Variants in THSD4 observed in about 807,000 individuals in gnomAD.
The protein encoded by THSD4 is thrombospondin type-1 domain-containing protein 4.
THSD4 carries 69 observed loss-of-function variants against 119.0 expected under a neutral mutation model. The ratio of observed to expected loss-of-function variants is 0.58; its 90% CI spans 0.48 to 0.71. THSD4 has a LOEUF of 0.71. Among genes scored for constraint, THSD4 ranks in the 30% least tolerant of loss-of-function variants. The probability of loss-of-function intolerance (pLI) is 0.00; values close to 1 mark genes in which losing one functional copy is unlikely to be tolerated. For synonymous variants in THSD4, 524 were observed against 540.4 expected, an observed-to-expected ratio of 0.97 and a Z score of 0.42; for missense variants, 1,393 against 1,391.1, an observed-to-expected ratio of 1.00 and a Z score of -0.02.
chr15:71,193,060 C>G (rs1301757006), intron 3 of THSD4, among the ~76,000 whole-genome samples: 2 of 152,180 alleles, frequency 1.3e-5, no homozygotes, highest in East Asian at 3.9e-4. Flanking sequence ...GCTGACTGCA[C>G]AGGAATACGA....
intron 3 of THSD4, among the ~76,000 whole-genome samples, chr15:71,180,166 A>G (rs1467609870): frequency 3.8e-5 from 1 of 26,612 alleles, no homozygotes; most frequent in Non-Finnish European, 6.1e-4. Flanking sequence ...TAAAAAAAAA[A>G]AAAATAAAAA....
At chr15:71,440,899 A>G (rs1478424313) in intron 7 of THSD4, among the ~76,000 whole-genome samples, 1 of 152,186 alleles carries the variant, frequency 6.6e-6, no homozygotes, top group South Asian at 2.1e-4. Flanking sequence ...GCAATTATGT[A>G]TGGACATGCA....
At chr15:71,657,843 T>A (rs777622074) in intron 7 of THSD4, among the ~76,000 whole-genome samples, 27 of 152,336 alleles carry the variant, frequency 1.8e-4, no homozygotes, top group Non-Finnish European at 3.5e-4. Flanking sequence ...TCCATCAAAC[T>A]GTGCAGAGCA....
chr15:71,442,660 G>GTGTGTGTATGTATGTGTATATATATATA, intron 7 of THSD4, among the ~76,000 whole-genome samples: 2 of 25,826 alleles, frequency 7.7e-5, no homozygotes, highest in Non-Finnish European at 9.2e-5. Flanking sequence ...GTGTGTGTGT[G>GTGTGTGTATGTATGTGTATATATATATA]TATATATATA....
chr15:71,370,024 C>A (rs565928674), intron 6 of THSD4, among the ~76,000 whole-genome samples: 3 of 151,666 alleles, frequency 2.0e-5, no homozygotes, highest in South Asian at 2.1e-4. Context: ...GTGTATGTGT[C>A]GAGGAATTTA....
chr15:71,326,635 C>T lies in THSD4; in HGVS notation c.1015+69920C>T, dbSNP rs1341257711. ...GTTGCAGTGAGCCGAGATCACGCCA[C>T]TGCACTCCAGCCTGGGCAACAGAGC... is the stretch of plus-strand genomic sequence containing the variant. On this transcript the variant is annotated intron_variant, in intron 6 of 17. Coordinates refer to ENST00000261862, the MANE Select transcript of THSD4 (RefSeq NM_024817.3). Among the ~76,000 whole-genome samples, 71 of 125,992 alleles carry T rather than the reference C, an allele frequency of 5.6e-4. No individual in the cohort carries two copies. The Middle Eastern group carries it at 0.014, about 24-fold the overall frequency. The allele number at this position is 125,992 out of a possible 152,430, so 82.7% of individuals were successfully genotyped here.
At chr15:71,451,397 T>A (rs935486202) in intron 7 of THSD4, among the ~76,000 whole-genome samples, 1 of 152,222 alleles carries the variant, frequency 6.6e-6, no homozygotes, top group African/African-American at 2.4e-5. Context: ...TCTTCCCATG[T>A]TGAGAAGATT....
In THSD4 at chr15:71,596,368, T is replaced by A. The variant is rs139095906; in HGVS notation, c.1153-64162T>A. Among the ~76,000 whole-genome samples, 434 of 152,094 alleles carry A rather than the reference T, an allele frequency of 2.9e-3. 1 individual carries two copies. The highest frequency in any genetic ancestry group is 5.0e-3 in the Non-Finnish European group (338 of 67,970). On this transcript the variant is annotated intron_variant, in intron 7 of 17. Transcript: ENST00000261862. The stretch of plus-strand genomic sequence containing the variant: ...AACACAAGATAATTATCCAAAGGCC[T>A]TTTTTTTATGAAAGTCTTCCACCAC...
At chr15:71,501,394 C>T (rs2048110450) in intron 7 of THSD4, among the ~76,000 whole-genome samples, 1 of 152,330 alleles carries the variant, frequency 6.6e-6, no homozygotes, top group Admixed American at 6.5e-5. Flanking sequence ...TCAACTAGTA[C>T]ATGGCAGAAG....
At chr15:71,490,661 G>A (rs192203679) in intron 7 of THSD4, among the ~76,000 whole-genome samples, 7 of 149,444 alleles carry the variant, frequency 4.7e-5, no homozygotes, top group South Asian at 2.1e-4. Flanking sequence ...CCCAGGAGGC[G>A]GATGTTGCAG....
At chr15:71,729,178 C>T (rs572318399) in intron 9 of THSD4, 1 of 165,698 alleles carries the variant, frequency 6.0e-6, no homozygotes, top group Admixed American at 5.6e-5. Context: ...GAAAGGAGAG[C>T]TCCAGAGCCC....
At chr15:71,245,850 G>A (rs1434195042) in intron 5 of THSD4, among the ~76,000 whole-genome samples, 3 of 152,168 alleles carry the variant, frequency 2.0e-5, no homozygotes, top group African/African-American at 7.2e-5. Context: ...CAAGTTCCCA[G>A]ATGCCAGCCA....
At chr15:71,696,642 A>G (rs192265790) in intron 8 of THSD4, among the ~76,000 whole-genome samples, 66 of 152,338 alleles carry the variant, frequency 4.3e-4, no homozygotes, top group Admixed American at 1.8e-3. Flanking sequence ...CCCAAATGAT[A>G]TAGATCAAAA....
At chr15:71,399,929 A>G (rs1193191161) in intron 6 of THSD4, among the ~76,000 whole-genome samples, 1 of 152,242 alleles carries the variant, frequency 6.6e-6, no homozygotes, top group African/African-American at 2.4e-5. Context: ...TAAGAAGACT[A>G]TTGATAGAAA....
chr15:71,601,107 A>G (rs948695272), intron 7 of THSD4, among the ~76,000 whole-genome samples: 1 of 152,174 alleles, frequency 6.6e-6, no homozygotes, highest in East Asian at 1.9e-4. Flanking sequence ...AACTTGCCCA[A>G]CAACCAGTGA....
At chr15:71,211,433 G>C (rs776824892) in intron 3 of THSD4, among the ~76,000 whole-genome samples, 5 of 152,102 alleles carry the variant, frequency 3.3e-5, no homozygotes, top group Non-Finnish European at 7.3e-5. Context: ...CATATGGTGG[G>C]GTGGGGAGTG....
intron 7 of THSD4, among the ~76,000 whole-genome samples, chr15:71,427,788 C>T (rs899585273): frequency 4.0e-5 from 6 of 151,758 alleles, no homozygotes; most frequent in Admixed American, 2.0e-4. Context: ...TAAGTCATTC[C>T]CCAGGCCCAA....
At chr15:71,607,444 C>G (rs1226453025) in intron 7 of THSD4, among the ~76,000 whole-genome samples, 1 of 152,212 alleles carries the variant, frequency 6.6e-6, no homozygotes, top group Non-Finnish European at 1.5e-5. Context: ...AAGTATCATG[C>G]CCAACACTTG....
upstream of THSD4, among the ~76,000 whole-genome samples, chr15:71,112,617 C>T (rs1223684965): frequency 6.6e-6 from 1 of 152,212 alleles, no homozygotes; most frequent in African/African-American, 2.4e-5. Flanking sequence ...GTATAGCTGA[C>T]ACTGACATGC....
Sources: allele counts gnomAD v4.1 joint callset (sites outside exome capture counted in the v4.1 genomes callset), GRCh38; gene constraint gnomAD v4.1.1; transcripts MANE v1.5; gene names NCBI Gene and HGNC (gene_info 2026-07-23, HGNC 2026-07-21).